The following APLP2 variants were observed in gnomAD, a reference collection of about 807,000 sequenced individuals.
The protein encoded by APLP2 is amyloid beta precursor like protein 2.
In APLP2, 53 loss-of-function variants were observed where a neutral mutation model predicts 89.9. That is an observed-to-expected ratio of 0.59 (90% confidence interval 0.47 to 0.74). The LOEUF is 0.74. Among genes scored for constraint, APLP2 ranks in the 30% least tolerant of loss-of-function variants. The pLI is 0.00. For missense variants in APLP2, 973 were observed against 975.9 expected (o/e 1.00, Z 0.04); for synonymous variants, 372 against 348.6 (o/e 1.07, Z -0.75).
intron 7 of APLP2, among the ~76,000 whole-genome samples, chr11:130,126,304 A>G (rs1205145433): frequency 2.0e-5 from 3 of 152,228 alleles, no homozygotes; most frequent in Non-Finnish European, 4.4e-5. Context: ...AAGTGCCTCT[A>G]CAGGGTCTGA....
chr11:130,122,554 A>C lies in APLP2; in HGVS notation c.922+41A>C, dbSNP rs773319915. 7 of 1,612,194 alleles carry C rather than the reference A, an allele frequency of 4.3e-6. No individual in the cohort carries two copies. In the Admixed American group the frequency reaches 1.2e-4, roughly 27 times the overall value. ...GCCATGGCTTTGAAATCCATGTGGT[A>C]ATTATTCACTTAGACTTTTGCATTG... On this transcript the variant is annotated intron_variant, in intron 6 of 16. Transcript: ENST00000338167.
chr11:130,105,298 C>T (rs2135735929), intron 1 of APLP2, among the ~76,000 whole-genome samples: 1 of 152,228 alleles, frequency 6.6e-6, no homozygotes, highest in African/African-American at 2.4e-5. Flanking sequence ...TGCCTGTGGT[C>T]CCTGCTACTC....
At chr11:130,073,964 A>AT (rs749318340) in intron 1 of APLP2, among the ~76,000 whole-genome samples, 144 of 152,298 alleles carry the variant, frequency 9.5e-4, no homozygotes, top group Non-Finnish European at 1.6e-3. Context: ...TTACTACTGC[A>AT]TTTTTTGCCA....
chr11:130,091,512 T>A (rs1945183753), intron 1 of APLP2, among the ~76,000 whole-genome samples: 2 of 132,188 alleles, frequency 1.5e-5, no homozygotes, highest in African/African-American at 3.0e-5. Context: ...CCCACCTCCC[T>A]CCCGGACAGG....
At chr11:130,139,896 T>G (rs1306737475) in intron 13 of APLP2, among the ~76,000 whole-genome samples, 1 of 152,116 alleles carries the variant, frequency 6.6e-6, no homozygotes, top group Non-Finnish European at 1.5e-5. Context: ...CAACTGAAAC[T>G]TGAAGGGAAA....
At chr11:130,114,066 C>T (rs1301039082) in intron 3 of APLP2, among the ~76,000 whole-genome samples, 1 of 152,132 alleles carries the variant, frequency 6.6e-6, no homozygotes, top group African/African-American at 2.4e-5. Context: ...CCTACGTAAC[C>T]GTGGTATAAT....
chr11:130,111,305 C>T (rs1470122855), intron 3 of APLP2, among the ~76,000 whole-genome samples: 2 of 152,010 alleles, frequency 1.3e-5, no homozygotes, highest in Non-Finnish European at 2.9e-5. Context: ...ACTATTTGTG[C>T]CTGATACATT....
rs536676816 is a variant in APLP2 at position 130,137,139 on chromosome 11, C to CT, written c.1837+1429dup. 628 of 937,078 alleles carry CT rather than the reference C, an allele frequency of 6.7e-4. 3 individuals are homozygous for CT. The African/African-American group carries it at 9.2e-3, about 14-fold the overall frequency. The allele number at this position is 937,078 out of a possible 1,614,324, so 58.0% of individuals were successfully genotyped here. A position where few individuals can be genotyped will look rare whatever the true frequency, so the allele number is the denominator to read the frequency against. ...GGCAGGGTGTTTTTAAGGAGGAATACTTTTTGTTCACATTATAGAGAAATT... is the reference window on the plus strand; with the variant it reads ...GGCAGGGTGTTTTTAAGGAGGAATACTTTTTTGTTCACATTATAGAGAAATT... On this transcript the variant is annotated intron_variant, in intron 13 of 16. Transcript: ENST00000338167.
chr11:130,104,140 G>C (rs6590439), intron 1 of APLP2, among the ~76,000 whole-genome samples: 24,314 of 148,974 alleles, frequency 0.16, 3,572 homozygotes, highest in East Asian at 0.44. Context: ...CATTTTTCTC[G>C]ACACACAATC....
chr11:130,081,218 CT>C (rs1190768017), intron 1 of APLP2, among the ~76,000 whole-genome samples: 1 of 151,912 alleles, frequency 6.6e-6, no homozygotes, highest in African/African-American at 2.4e-5. Flanking sequence ...ACGTGTATAG[CT>C]TTTTTTGGGA....
chr11:130,081,503 C>G (rs1943146925), intron 1 of APLP2, among the ~76,000 whole-genome samples: 1 of 152,110 alleles, frequency 6.6e-6, no homozygotes. Context: ...ATGGTGATAA[C>G]TGGTGCTTTT....
Position 130,143,522 on chromosome 11 carries a change from C to T in APLP2, c.*74C>T. On this transcript the variant is annotated 3_prime_UTR_variant, in exon 17 of 17. Coordinates refer to ENST00000338167, the MANE Select transcript of APLP2 (RefSeq NM_001142276.2). ...AGATCCCACGATTCCGATCGACTGC[C>T]AAGCAGCAGCCGCTGCCAGGGGCTG... The T allele has an allele frequency of 7.7e-7, 1 of 1,294,768 alleles. No individual in the cohort carries two copies. The highest frequency in any genetic ancestry group is 1.2e-5 in the South Asian group (1 of 84,348). The allele number at this position is 1,294,768 out of a possible 1,614,324, so 80.2% of individuals were successfully genotyped here. A position where few individuals can be genotyped will look rare whatever the true frequency, so the allele number is the denominator to read the frequency against.
At chr11:130,127,722 G>C in intron 8 of APLP2, 44 bp from the exon 9 acceptor site, 1 of 1,522,690 alleles carries the variant, frequency 6.6e-7, no homozygotes, top group East Asian at 2.3e-5. Flanking sequence ...GAGTTGTTTC[G>C]GGGTATTAAT....
Position 130,084,023 on chromosome 11 carries a change from G to C in APLP2, c.105+13941G>C, listed in dbSNP as rs559854788. Among the ~76,000 whole-genome samples the C allele has an allele frequency of 4.6e-5, 7 of 152,296 alleles. No homozygotes were observed. The South Asian group carries it at 1.5e-3, about 32-fold the overall frequency. On this transcript the variant is annotated intron_variant, in intron 1 of 16. Coordinates refer to ENST00000338167, the MANE Select transcript of APLP2 (RefSeq NM_001142276.2). ...GCACTTTGGGAGGCCGAGGCAGGCGGATCACGAGGTCAGGGGATCGAGACC... is the reference window on the plus strand; with the variant it reads ...GCACTTTGGGAGGCCGAGGCAGGCGCATCACGAGGTCAGGGGATCGAGACC...
chr11:130,140,677 C>G (rs1026780185), intron 14 of APLP2, 194 bp downstream of exon 14: 1 of 417,092 alleles, frequency 2.4e-6, no homozygotes, highest in African/African-American at 2.0e-5. Flanking sequence ...TTAAAAAGCC[C>G]TTTTCAGCAG....
At chr11:130,131,169 G>C (rs1344296060) in intron 11 of APLP2, among the ~76,000 whole-genome samples, 2 of 152,332 alleles carry the variant, frequency 1.3e-5, no homozygotes, top group East Asian at 3.9e-4. Flanking sequence ...CACCATCTCA[G>C]CTCACTGCAA....
intron 1 of APLP2, among the ~76,000 whole-genome samples, chr11:130,073,764 G>A (rs1941589457): frequency 6.6e-6 from 1 of 151,356 alleles, no homozygotes; most frequent in African/African-American, 2.4e-5. Flanking sequence ...TCTGGGAGGT[G>A]GAGGTTACAG....
At chr11:130,132,530 T>G (rs1414719708) in intron 11 of APLP2, among the ~76,000 whole-genome samples, 2 of 152,006 alleles carry the variant, frequency 1.3e-5, no homozygotes, top group Admixed American at 1.3e-4. Context: ...GCCGTGTCAT[T>G]GGGGTGGATG....
At chr11:130,135,491 C>T in intron 12 of APLP2, 72 bp from the exon 13 acceptor site, 1 of 1,546,536 alleles carries the variant, frequency 6.5e-7, no homozygotes, top group Admixed American at 1.8e-5. Context: ...TCTTGGAGCT[C>T]TAGAGCATCC....
Sources: gnomAD v4.1 joint callset for allele counts (sites outside exome capture counted in the v4.1 genomes callset) on GRCh38, gnomAD v4.1.1 for gene constraint, MANE v1.5 for transcripts, NCBI Gene and HGNC (gene_info 2026-07-23, HGNC 2026-07-21) for gene names.